Variants in TXLNB observed in about 807,000 individuals in gnomAD.
TXLNB encodes taxilin beta, also known as beta-taxilin.
TXLNB carries 37 observed loss-of-function variants against 57.4 expected under a neutral mutation model. The ratio of observed to expected loss-of-function variants is 0.64; its 90% CI spans 0.50 to 0.85. The LOEUF (loss-of-function observed/expected upper bound fraction) is 0.85, where lower values mean the gene tolerates loss of function less well. Among genes scored for constraint, TXLNB ranks in the 40% least tolerant of loss-of-function variants. TXLNB has a pLI of 0.00. For missense variants in TXLNB, 848 were observed against 825.6 expected, an observed-to-expected ratio of 1.03 and a Z score of -0.33; for synonymous variants, 302 against 309.6, an observed-to-expected ratio of 0.98 and a Z score of 0.26.
chr6:139,204,357 A>C, the TXLNB span, among the ~76,000 whole-genome samples: 2 of 152,048 alleles, frequency 1.3e-5, no homozygotes, highest in Non-Finnish European at 2.9e-5. Context: ...CTCCCAGCCT[A>C]ATGTCCTAAT....
In TXLNB at chr6:139,262,695, C is replaced by T. The variant is rs1776516037; in HGVS notation, c.766G>A (p.Asp256Asn). ...TGCTGCTCGATCTGGCCCTGGATGT[C>T]CGTGAGGGTACTCTGGAAATGGCTT... ...ITSHFQSTLT[D>N]IQGQIEQQSE... is the part of the protein sequence containing the mutation. Residue 256 changes from aspartate (D) to asparagine (N), a missense_variant, in exon 5 of 10, where the codon GAC (aspartate) becomes AAC (asparagine). Asp to Asn is a conservative substitution (Grantham distance 23). Coordinates refer to ENST00000358430, the MANE Select transcript of TXLNB (RefSeq NM_153235.4). 1 of 1,614,164 alleles carries T rather than the reference C, an allele frequency of 6.2e-7. No individual in the cohort carries two copies. Among genetic ancestry groups the T allele is most frequent in the African/African-American group, 1.3e-5 (1 of 75,050 alleles).
At chr6:139,195,709 T>A in the TXLNB span, among the ~76,000 whole-genome samples, 1 of 152,308 alleles carries the variant, frequency 6.6e-6, no homozygotes, top group South Asian at 2.1e-4. Flanking sequence ...AATGATAAAC[T>A]TCAAGTTGAT....
At chr6:139,250,932 C>T (rs1453729450) in intron 7 of TXLNB, among the ~76,000 whole-genome samples, 1 of 152,108 alleles carries the variant, frequency 6.6e-6, no homozygotes, top group Non-Finnish European at 1.5e-5. Context: ...TCCATGTGTA[C>T]CTGTTATATT....
At position 139,242,428 on chromosome 6, in the gene TXLNB, A is replaced by G; in HGVS notation, c.*98T>C. The stretch of plus-strand genomic sequence containing the variant: ...AATGTCTTGATCCTAAGTCTCTTCC[A>G]TTTGACATCTCTAGCCCTTAATGCC... On this transcript the variant is annotated 3_prime_UTR_variant, in exon 10 of 10. Transcript: ENST00000358430. The G allele has an allele frequency of 9.6e-7, 1 of 1,037,346 alleles. No homozygotes were observed. The highest frequency in any genetic ancestry group is 1.3e-6 in the Non-Finnish European group (1 of 763,824). 64.3% of individuals were successfully genotyped at this position (1,037,346 alleles called of 1,614,324 possible). A position where few individuals can be genotyped will look rare whatever the true frequency, so the allele number is the denominator to read the frequency against.
the TXLNB span, chr6:139,183,637 A>G: frequency 1.3e-5 from 2 of 152,352 alleles, no homozygotes; most frequent in African/African-American, 2.4e-5. Flanking sequence ...TTAATAAGAT[A>G]TCTAACTTGA....
the TXLNB span, among the ~76,000 whole-genome samples, chr6:139,187,090 TTAAATA>T: frequency 6.6e-6 from 1 of 152,194 alleles, no homozygotes; most frequent in African/African-American, 2.4e-5. Flanking sequence ...ATTGTATACT[TTAAATA>T]TGTTTAGTTT....
chr6:139,174,231 A>C, the TXLNB span, among the ~76,000 whole-genome samples: 1 of 152,260 alleles, frequency 6.6e-6, no homozygotes, highest in Non-Finnish European at 1.5e-5. Flanking sequence ...TCCTGAAAGG[A>C]CAGCTTGTGT....
chr6:139,315,552 G>C, the TXLNB span, among the ~76,000 whole-genome samples: 3 of 152,106 alleles, frequency 2.0e-5, no homozygotes, highest in Non-Finnish European at 4.4e-5. Context: ...CTCTGGCTGC[G>C]AATAGTACTC....
chr6:139,292,345 G>A (rs567634990), upstream of TXLNB, among the ~76,000 whole-genome samples: 1 of 152,284 alleles, frequency 6.6e-6, no homozygotes, highest in African/African-American at 2.4e-5. The surrounding 1 kb of genome is among the most constrained non-coding windows in gnomAD (Gnocchi z 4.0). Flanking sequence ...TTTCACCATT[G>A]TTGTCCTTTT....
the TXLNB span, among the ~76,000 whole-genome samples, chr6:139,199,485 G>T: frequency 6.6e-6 from 1 of 152,166 alleles, no homozygotes. Flanking sequence ...ACCTCATCTG[G>T]CAGGAAATTC....
chr6:139,218,610 G>GGC, the TXLNB span, among the ~76,000 whole-genome samples: 8 of 152,116 alleles, frequency 5.3e-5, no homozygotes, highest in Non-Finnish European at 1.0e-4. Context: ...AAATTAGCCA[G>GGC]GCATGGTGGA....
At chr6:139,209,786 C>T in the TXLNB span, among the ~76,000 whole-genome samples, 1 of 152,160 alleles carries the variant, frequency 6.6e-6, no homozygotes, top group African/African-American at 2.4e-5. Flanking sequence ...ATTGGAAAAA[C>T]TCTTTTAGAC....
chr6:139,216,706 G>T, the TXLNB span, among the ~76,000 whole-genome samples: 1 of 152,104 alleles, frequency 6.6e-6, no homozygotes, highest in African/African-American at 2.4e-5. Context: ...CGGAATAATG[G>T]CCTTTGCAGC....
the TXLNB span, among the ~76,000 whole-genome samples, chr6:139,301,266 A>C: frequency 0.012 from 1,895 of 152,342 alleles, 37 homozygotes; most frequent in African/African-American, 0.043. Flanking sequence ...TTGCAAAATC[A>C]TTAAAAAATA....
the TXLNB span, among the ~76,000 whole-genome samples, chr6:139,200,496 AC>A: frequency 6.6e-6 from 1 of 152,198 alleles, no homozygotes; most frequent in African/African-American, 2.4e-5. Context: ...GCAGGGAAAA[AC>A]AATGAAGATT....
At chr6:139,216,348 A>G in the TXLNB span, among the ~76,000 whole-genome samples, 3 of 151,196 alleles carry the variant, frequency 2.0e-5, no homozygotes, top group African/African-American at 7.3e-5. Flanking sequence ...GCTGGAAACC[A>G]TCATTCTCAG....
the TXLNB span, chr6:139,166,048 C>G: frequency 2.3e-6 from 1 of 443,860 alleles, no homozygotes; most frequent in African/African-American, 2.0e-5. Context: ...CAACCTAAAG[C>G]TCAGGATGAA....
upstream of TXLNB, among the ~76,000 whole-genome samples, chr6:139,292,711 C>T (rs1280741267): frequency 6.6e-6 from 1 of 152,204 alleles, no homozygotes; most frequent in Non-Finnish European, 1.5e-5. This position sits in a 1 kb window ranked among gnomAD's most constrained non-coding sequence, Gnocchi z 4.0. Context: ...CTTTTTCTTC[C>T]TTAGTTGGTG....
intron 1 of TXLNB, among the ~76,000 whole-genome samples, chr6:139,289,581 A>G (rs898657698): frequency 2.6e-5 from 4 of 152,178 alleles, no homozygotes; most frequent in Non-Finnish European, 4.4e-5. Flanking sequence ...ATCAAGTCAC[A>G]CTGCTGGCAT....
Sources: allele counts gnomAD v4.1 joint callset (sites outside exome capture counted in the v4.1 genomes callset), GRCh38; gene constraint gnomAD v4.1.1; non-coding constraint Gnocchi (gnomAD v3.1); transcripts MANE v1.5; gene names NCBI Gene and HGNC (gene_info 2026-07-23, HGNC 2026-07-21).